Variants in USP32 observed in about 807,000 individuals in gnomAD.
USP32 encodes the protein ubiquitin carboxyl-terminal hydrolase 32.
USP32 carries 59 observed loss-of-function variants against 204.8 expected under a neutral mutation model. The observed-to-expected ratio is 0.29, with a 90% confidence interval of 0.23 to 0.36. USP32 has a LOEUF of 0.36. USP32 is among the 10% of genes least tolerant of loss of function. The probability of loss-of-function intolerance (pLI) is 1.00; values close to 1 mark genes in which losing one functional copy is unlikely to be tolerated. For missense variants in USP32, 1,160 were observed against 1,946.4 expected, an observed-to-expected ratio of 0.60 and a Z score of 7.60; for synonymous variants, 517 against 678.4, an observed-to-expected ratio of 0.76 and a Z score of 3.70.
chr17:60,291,537 ATGTGTG>A (rs58874239), intron 4 of USP32, among the ~76,000 whole-genome samples: 5,827 of 145,294 alleles, frequency 0.04, 369 homozygotes, highest in African/African-American at 0.13. Context: ...CTGTGTGTGT[ATGTGTG>A]TGTGTGTGTG....
chr17:60,320,231 G>A (rs1196359776), intron 2 of USP32, among the ~76,000 whole-genome samples: 1 of 152,122 alleles, frequency 6.6e-6, no homozygotes, highest in South Asian at 2.1e-4. Context: ...CAAGAGTCAA[G>A]TTCCTGAGGT....
intron 2 of USP32, among the ~76,000 whole-genome samples, chr17:60,317,031 G>A (rs556275834): frequency 6.6e-6 from 1 of 152,270 alleles, no homozygotes; most frequent in East Asian, 1.9e-4. Context: ...ATCAGGGGCT[G>A]GGGAGGAAGA....
At chr17:60,273,092 C>T (rs2086761002) in intron 5 of USP32, among the ~76,000 whole-genome samples, 1 of 152,198 alleles carries the variant, frequency 6.6e-6, no homozygotes, top group Non-Finnish European at 1.5e-5. Flanking sequence ...TGTGTTTCAG[C>T]TTCCCAAGTA....
chr17:60,192,467 C>T (rs114327137), intron 28 of USP32, among the ~76,000 whole-genome samples: 1 of 152,132 alleles, frequency 6.6e-6, no homozygotes, highest in Non-Finnish European at 1.5e-5. Context: ...CGGAGTTTCG[C>T]TCTTGTTGCC....
intron 11 of USP32, among the ~76,000 whole-genome samples, chr17:60,251,055 A>G (rs576830572): frequency 4.7e-5 from 7 of 150,514 alleles, no homozygotes; most frequent in Admixed American, 2.7e-4. Context: ...CAATCCTCCC[A>G]CCTCAGCCTC....
intron 7 of USP32, among the ~76,000 whole-genome samples, chr17:60,269,181 A>T (rs922700231): frequency 1.3e-5 from 2 of 152,200 alleles, no homozygotes; most frequent in Non-Finnish European, 2.9e-5. Flanking sequence ...ATCATAGCTG[A>T]TCTGATTCAT....
rs770959871 is a variant in USP32 at position 60,269,531 on chromosome 17, G to A, written c.730C>T (p.Arg244Cys). 8.7e-6 allele frequency: 14 copies of A among 1,609,908 alleles called. No homozygotes were observed. Among genetic ancestry groups the A allele is most frequent in the South Asian group, 3.3e-5 (3 of 90,196 alleles). The stretch of plus-strand genomic sequence containing the variant: ...TCCTTAAAATCTATGTGATTGTCAC[G>A]ATTTTCATCAAAAGCATTAAACAAA... ...EGLFNAFDEN[R>C]DNHIDFKEIS... Residue 244 changes from arginine to cysteine, a missense_variant, in exon 7 of 34, where the codon CGT (arginine) becomes TGT (cysteine). Arg to Cys is a radical substitution (Grantham distance 180). Around this residue, in one of 8 missense-constraint regions of USP32, gnomAD observed 536 missense variants for 680.9 expected, o/e 0.79. Transcript: ENST00000300896.
chr17:60,422,322 C>T, exon 1 of USP32: 3 of 685,298 alleles, frequency 4.4e-6, no homozygotes, highest in Non-Finnish European at 6.6e-6. Flanking sequence ...GCTGTGCGCT[C>T]TGCCAAAGTC....
intron 1 of USP32, among the ~76,000 whole-genome samples, chr17:60,418,061 C>A (rs1374292241): frequency 2.0e-5 from 3 of 151,380 alleles, no homozygotes; most frequent in Admixed American, 6.6e-5. Context: ...CAGGTTCAAG[C>A]GATTCTCCTG....
chr17:60,402,931 A>G (rs2089947363), intron 1 of USP32, among the ~76,000 whole-genome samples: 1 of 152,102 alleles, frequency 6.6e-6, no homozygotes, highest in South Asian at 2.1e-4. Flanking sequence ...TTTCCTGACA[A>G]CATTGTGGTT....
intron 1 of USP32, among the ~76,000 whole-genome samples, chr17:60,374,484 A>C (rs1259039376): frequency 6.6e-6 from 1 of 151,728 alleles, no homozygotes; most frequent in African/African-American, 2.4e-5. Context: ...CCCAGCCTGA[A>C]CCTCCTAGGC....
At chr17:60,333,043 A>C (rs1170538281) in intron 2 of USP32, among the ~76,000 whole-genome samples, 1 of 152,232 alleles carries the variant, frequency 6.6e-6, no homozygotes, top group Non-Finnish European at 1.5e-5. Flanking sequence ...ATGAAAAAAA[A>C]TTACTGGTAT....
At chr17:60,295,570 C>T (rs1271185279) in intron 3 of USP32, among the ~76,000 whole-genome samples, 1 of 152,102 alleles carries the variant, frequency 6.6e-6, no homozygotes, top group East Asian at 1.9e-4. Flanking sequence ...CCTCTTTATC[C>T]CACCTGGGAC....
chr17:60,190,282 T>TA (rs2084346055), intron 29 of USP32, among the ~76,000 whole-genome samples: 13 of 152,164 alleles, frequency 8.5e-5, no homozygotes, highest in African/African-American at 1.4e-4. Context: ...TGCCGAACAG[T>TA]AAGCTAAATA....
At chr17:60,235,121 G>A (rs2085687710) in intron 12 of USP32, among the ~76,000 whole-genome samples, 1 of 152,076 alleles carries the variant, frequency 6.6e-6, no homozygotes, top group Admixed American at 6.5e-5. Flanking sequence ...GTGTTCCTAC[G>A]GAAAACAAAA....
At chr17:60,402,057 G>T (rs2089939676) in intron 1 of USP32, among the ~76,000 whole-genome samples, 1 of 152,076 alleles carries the variant, frequency 6.6e-6, no homozygotes, top group South Asian at 2.1e-4. Flanking sequence ...TGAGTGAAAT[G>T]AAAACAAAGG....
At chr17:60,349,635 T>C (rs9900285) in intron 1 of USP32, among the ~76,000 whole-genome samples, 7 of 96,216 alleles carry the variant, frequency 7.3e-5, no homozygotes, top group Non-Finnish European at 1.1e-4. Flanking sequence ...TATATATATA[T>C]ATATATATTA....
At chr17:60,260,044 G>A (rs1231039435) in intron 9 of USP32, among the ~76,000 whole-genome samples, 1 of 152,128 alleles carries the variant, frequency 6.6e-6, no homozygotes, top group Non-Finnish European at 1.5e-5. Flanking sequence ...AGTACTAACT[G>A]TACAAGAAGT....
chr17:60,349,617 ATATATATT>A (rs2088889344), intron 1 of USP32, among the ~76,000 whole-genome samples: 1 of 73,008 alleles, frequency 1.4e-5, no homozygotes, highest in Non-Finnish European at 2.2e-5. Flanking sequence ...ATATATATAT[ATATATATT>A]ATATATATAT....
Sources: allele counts gnomAD v4.1 joint callset (sites outside exome capture counted in the v4.1 genomes callset), GRCh38; gene constraint gnomAD v4.1.1; regional missense constraint gnomAD v4.1.1; transcripts MANE v1.5; gene names NCBI Gene and HGNC (gene_info 2026-07-23, HGNC 2026-07-21).